CNGB3: variants seen among roughly 807,000 people sequenced by gnomAD.
CNGB3 encodes cyclic nucleotide-gated channel beta-3.
Under a neutral mutation model 92.8 loss-of-function variants are expected in CNGB3, and 86 were observed. The ratio of observed to expected loss-of-function variants is 0.93; its 90% CI spans 0.78 to 1.11. CNGB3 has a LOEUF of 1.11. CNGB3 is among the 50% of genes least tolerant of loss of function. The pLI, the probability that CNGB3 is intolerant of heterozygous loss-of-function variation, is 0.00. For missense variants in CNGB3, 1,026 were observed against 956.8 expected (o/e 1.07, Z -0.95); for synonymous variants, 333 against 332.7 (o/e 1.00, Z -0.01).
intron 6 of CNGB3, among the ~76,000 whole-genome samples, chr8:86,655,349 C>G (rs1249058759): frequency 6.6e-6 from 1 of 152,158 alleles, no homozygotes; most frequent in Non-Finnish European, 1.5e-5. Flanking sequence ...GTGCAAGCAC[C>G]TTTTCAGGGT....
At chr8:86,579,798 C>T (rs1419429590) in intron 15 of CNGB3, among the ~76,000 whole-genome samples, 2 of 152,200 alleles carry the variant, frequency 1.3e-5, no homozygotes, top group African/African-American at 4.8e-5. Context: ...GCTCCTGACA[C>T]ATGGATGTCT....
chr8:86,595,400 A>G (rs1183725075), intron 15 of CNGB3, among the ~76,000 whole-genome samples: 1 of 152,228 alleles, frequency 6.6e-6, no homozygotes, highest in African/African-American at 2.4e-5. Context: ...TCCTGAGGAT[A>G]TTTGAATGAA....
intron 4 of CNGB3, among the ~76,000 whole-genome samples, chr8:86,669,872 T>C (rs1823820545): frequency 6.6e-6 from 1 of 152,088 alleles, no homozygotes; most frequent in African/African-American, 2.4e-5. Context: ...TTTTTTTTTT[T>C]TCGGAGTCTT....
At chr8:86,606,763 A>T (rs10094976) in intron 14 of CNGB3, among the ~76,000 whole-genome samples, 4,153 of 152,256 alleles carry the variant, frequency 0.027, 183 homozygotes, top group African/African-American at 0.094. Context: ...AACAATTGGC[A>T]GTCGAGGTTT....
At position 86,643,942 on chromosome 8, in the gene CNGB3, C is replaced by A. The variant is rs1280405866; in HGVS notation, c.1056-69G>T. On this transcript the variant is annotated intron_variant, in intron 9 of 17. Transcript: ENST00000320005. ...GAAATACAGCCTATTTTAACATTTTCTTTTCCTTAAAGTCACCAGCGAACC... is the reference window on the plus strand; with the variant it reads ...GAAATACAGCCTATTTTAACATTTTATTTTCCTTAAAGTCACCAGCGAACC... 6 of 1,560,402 alleles carry A rather than the reference C, an allele frequency of 3.8e-6. No individual in the cohort carries two copies. In the East Asian group the frequency reaches 9.2e-5, roughly 24 times the overall value.
At chr8:86,593,913 T>C (rs1822110922) in intron 15 of CNGB3, 1 of 587,968 alleles carries the variant, frequency 1.7e-6, no homozygotes, top group Non-Finnish European at 3.2e-6. Flanking sequence ...TCACCGCCTG[T>C]GTGCCAGGGG....
rs112590824 is a variant in CNGB3 at position 86,634,383 on chromosome 8, G to A, written c.1179-1490C>T. Among the ~76,000 whole-genome samples, 115 of 152,228 alleles carry A rather than the reference G, an allele frequency of 7.6e-4. 1 individual carries two copies. In the South Asian group the frequency reaches 0.012, roughly 16 times the overall value. On this transcript the variant is annotated intron_variant, in intron 10 of 17. Coordinates refer to ENST00000320005, the MANE Select transcript of CNGB3 (RefSeq NM_019098.5). ...TAGGTTAGGCTAAGCTATGATGTTT[G>A]GTAGGTTAGGTGTATTAACTGCATT...
intron 1 of CNGB3, among the ~76,000 whole-genome samples, chr8:86,741,418 CT>C: frequency 6.6e-6 from 1 of 152,252 alleles, no homozygotes; most frequent in Admixed American, 6.5e-5. Context: ...AATCCCAACA[CT>C]TTGCAAGGAC....
At chr8:86,740,428 GA>G (rs1825321007) in intron 1 of CNGB3, among the ~76,000 whole-genome samples, 2 of 152,202 alleles carry the variant, frequency 1.3e-5, no homozygotes, top group Admixed American at 1.3e-4. Context: ...CTATTCCAAA[GA>G]AAGTGACTCT....
At chr8:86,688,574 A>T (rs1824234627) in intron 3 of CNGB3, among the ~76,000 whole-genome samples, 1 of 151,942 alleles carries the variant, frequency 6.6e-6, no homozygotes, top group African/African-American at 2.4e-5. Context: ...GAATTTATCA[A>T]TTTCTTCTAG....
At chr8:86,657,693 C>A in intron 6 of CNGB3, 1 of 452,194 alleles carries the variant, frequency 2.2e-6, no homozygotes, top group African/African-American at 2.0e-5. Context: ...TTTGCCATGC[C>A]ACTTGTTGTG....
At position 86,576,168 on chromosome 8, in the gene CNGB3, G is replaced by C. The variant is rs371276080; in HGVS notation, c.2104-38C>G. On this transcript the variant is annotated intron_variant, in intron 17 of 17. Coordinates refer to ENST00000320005, the MANE Select transcript of CNGB3 (RefSeq NM_019098.5). ...ATTACAAAGAACTGGTGTTGAAATC[G>C]TAATTAAAAACATTGGATTAGATTT... 5 of 1,593,820 alleles carry C rather than the reference G, an allele frequency of 3.1e-6. No homozygotes were observed. In the African/African-American group the frequency reaches 5.4e-5, roughly 17 times the overall value.
At chr8:86,673,247 G>A (rs115795792) in intron 3 of CNGB3, among the ~76,000 whole-genome samples, 422 of 152,312 alleles carry the variant, frequency 2.8e-3, no homozygotes, top group African/African-American at 9.7e-3. Flanking sequence ...ATTTAGCCTG[G>A]GGTGTCAAGG....
intron 15 of CNGB3, among the ~76,000 whole-genome samples, chr8:86,588,690 A>T (rs1260486070): frequency 1.3e-5 from 2 of 148,910 alleles, no homozygotes; most frequent in Admixed American, 6.7e-5. Flanking sequence ...GATGAAGCCC[A>T]CTTGATCATG....
At chr8:86,660,098 G>T in intron 6 of CNGB3, 1 of 314,446 alleles carries the variant, frequency 3.2e-6, no homozygotes. Flanking sequence ...CAGTTGTAGA[G>T]GAGAAAGCAT....
intron 2 of CNGB3, among the ~76,000 whole-genome samples, chr8:86,729,085 A>G (rs1211955437): frequency 6.6e-6 from 1 of 151,852 alleles, no homozygotes; most frequent in Non-Finnish European, 1.5e-5. Context: ...TAATTTTTGT[A>G]TTTTTTGTCG....
chr8:86,633,842 A>G (rs984086638), intron 10 of CNGB3, among the ~76,000 whole-genome samples: 5 of 152,164 alleles, frequency 3.3e-5, no homozygotes, highest in Admixed American at 6.5e-5. Context: ...TATCTCTTCT[A>G]TTTTTCACCC....
chr8:86,692,183 A>T (rs927485663), intron 3 of CNGB3, among the ~76,000 whole-genome samples: 1 of 152,204 alleles, frequency 6.6e-6, no homozygotes, highest in Non-Finnish European at 1.5e-5. Context: ...CGTACTTATG[A>T]AAAGAATGTA....
At chr8:86,725,424 T>G (rs934988587) in intron 3 of CNGB3, among the ~76,000 whole-genome samples, 42 of 152,102 alleles carry the variant, frequency 2.8e-4, no homozygotes, top group Admixed American at 2.7e-3. Context: ...AAAATATAAA[T>G]AATTAGTTGT....
Sources: allele counts gnomAD v4.1 joint callset (sites outside exome capture counted in the v4.1 genomes callset), GRCh38; gene constraint gnomAD v4.1.1; transcripts MANE v1.5; gene names NCBI Gene and HGNC (gene_info 2026-07-23, HGNC 2026-07-21).